The following DMXL1 variants were observed in gnomAD, a reference collection of about 807,000 sequenced individuals.
The protein encoded by DMXL1 is dmX-like protein 1.
DMXL1 carries 99 observed loss-of-function variants against 319.2 expected under a neutral mutation model. The ratio of observed to expected loss-of-function variants is 0.31; its 90% CI spans 0.26 to 0.37. DMXL1 has a LOEUF of 0.37. Ranked by LOEUF, DMXL1 falls within the 10% of genes least tolerant of loss-of-function variation. The pLI is 1.00. For missense variants in DMXL1, 3,745 were observed against 3,595.6 expected (o/e 1.04, Z -1.06); for synonymous variants, 1,385 against 1,235.2 (o/e 1.12, Z -2.54).
In DMXL1 at chr5:119,244,546, T is replaced by C; in HGVS notation, c.8892T>C (p.Phe2964=). The C allele has an allele frequency of 1.2e-6, 2 of 1,614,156 alleles. No homozygotes were observed. Among genetic ancestry groups the C allele is most frequent in the Middle Eastern group, 3.3e-4 (2 of 6,060 alleles). ...CTGTTGATCCAACTGAAGAGTACTT[T>C]GTTACAGGATCTGCCGAAGGCAATA... ...AVAVDPTEEY[F]VTGSAEGNIK... is the part of the protein sequence containing the mutation. Residue 2964 remains phenylalanine (F), a synonymous_variant, in exon 43 of 44, where the codon TTT becomes TTC. Transcript: ENST00000539542.
At chr5:119,169,166 C>G (rs933135274) in intron 23 of DMXL1, among the ~76,000 whole-genome samples, 1 of 152,192 alleles carries the variant, frequency 6.6e-6, no homozygotes. Flanking sequence ...GCATGAGCCA[C>G]CACACCTGGC....
intron 9 of DMXL1, among the ~76,000 whole-genome samples, chr5:119,124,038 G>A (rs967979524): frequency 2.0e-5 from 3 of 151,614 alleles, no homozygotes; most frequent in Admixed American, 2.0e-4. Context: ...GCTGGGCATG[G>A]TCACTCATAC....
intron 1 of DMXL1, 74 bp from the exon 2 acceptor site, chr5:119,097,905 T>C: frequency 8.0e-7 from 1 of 1,244,334 alleles, no homozygotes; most frequent in Non-Finnish European, 1.1e-6. Flanking sequence ...TAAAACATGA[T>C]AGTTAATACT....
intron 9 of DMXL1, among the ~76,000 whole-genome samples, chr5:119,124,800 C>T (rs915954459): frequency 6.6e-6 from 1 of 152,058 alleles, no homozygotes; most frequent in Non-Finnish European, 1.5e-5. Flanking sequence ...TCCTGACCTC[C>T]TCGTGATCTG....
intron 10 of DMXL1, among the ~76,000 whole-genome samples, chr5:119,132,254 A>T (rs1231482457): frequency 6.6e-6 from 1 of 152,238 alleles, no homozygotes; most frequent in East Asian, 1.9e-4. Flanking sequence ...CTTTATTATT[A>T]TAAGGTGGCG....
chr5:119,186,619 A>G (rs910907977), intron 28 of DMXL1, among the ~76,000 whole-genome samples: 28 of 152,236 alleles, frequency 1.8e-4, no homozygotes, highest in African/African-American at 6.8e-4. Flanking sequence ...TTTTAATCAC[A>G]GCAATATATG....
At position 119,129,592 on chromosome 5, in the gene DMXL1, C is replaced by A. The variant is rs143361151; in HGVS notation, c.1315+169C>A. On this transcript the variant is annotated intron_variant, in intron 10 of 43. Transcript: ENST00000539542. ...ATGTAGATATTTCTGTTATAGGTAG[C>A]TTTCTTCCACATGGTTATTTAAGGA... Among the ~76,000 whole-genome samples the A allele has an allele frequency of 5.6e-3, 855 of 152,254 alleles. 9 individuals carry two copies. The highest frequency in any genetic ancestry group is 0.02 in the African/African-American group (822 of 41,548).
chr5:119,233,257 A>C, intron 38 of DMXL1, 83 bp from the exon 39 acceptor site: 2 of 1,406,658 alleles, frequency 1.4e-6, no homozygotes, highest in Non-Finnish European at 9.7e-7. Flanking sequence ...TTCTTTCATA[A>C]AGATTTTCAC....
At chr5:119,182,944 TAAAG>T (rs1243673268) in intron 28 of DMXL1, among the ~76,000 whole-genome samples, 1 of 152,166 alleles carries the variant, frequency 6.6e-6, no homozygotes, top group Non-Finnish European at 1.5e-5. Flanking sequence ...GTATTATAAA[TAAAG>T]CAGTGTTTTT....
chr5:119,199,729 T>C (rs1375071018), intron 32 of DMXL1, among the ~76,000 whole-genome samples: 1 of 152,218 alleles, frequency 6.6e-6, no homozygotes, highest in Non-Finnish European at 1.5e-5. Flanking sequence ...CCAGCATCTG[T>C]TATTTTTTAT....
intron 42 of DMXL1, among the ~76,000 whole-genome samples, chr5:119,241,548 A>C (rs1788810922): frequency 6.6e-6 from 1 of 151,986 alleles, no homozygotes; most frequent in African/African-American, 2.4e-5. Context: ...AAAAAAAAAA[A>C]AAAAAAGATG....
chr5:119,196,358 G>T lies in DMXL1; in HGVS notation c.7458-13G>T, dbSNP rs751770861. 2 of 1,607,982 alleles carry T rather than the reference G, an allele frequency of 1.2e-6. No homozygotes were observed. Among genetic ancestry groups the T allele is most frequent in the Non-Finnish European group, 1.7e-6 (2 of 1,174,486 alleles). ...AGAAATAGTTAACAGATCCATCGTT[G>T]CTTTATTTTTAGTTGGTCCTTGATG... On this transcript the variant is annotated splice_polypyrimidine_tract_variant and intron_variant, in intron 30 of 43. Coordinates refer to ENST00000539542, the MANE Select transcript of DMXL1 (RefSeq NM_001290321.3).
Position 119,208,262 on chromosome 5 carries a change from G to A in DMXL1, c.7926+1366G>A, listed in dbSNP as rs150884162. On this transcript the variant is annotated intron_variant, in intron 34 of 43. Coordinates refer to ENST00000539542, the MANE Select transcript of DMXL1 (RefSeq NM_001290321.3). ...GAGTTTCACTCAGGTTTCCCAGACT[G>A]GAGTGCAGTGGCGCGATCTCAGCTT... Among the ~76,000 whole-genome samples, 75 of 145,872 alleles carry A rather than the reference G, an allele frequency of 5.1e-4. 1 individual carries two copies. In the East Asian group the frequency reaches 0.014, roughly 26 times the overall value.
Position 119,134,349 on chromosome 5 carries a change from C to A in DMXL1, c.2336C>A (p.Ala779Asp). Residue 779 changes from alanine to aspartate, a missense_variant, in exon 13 of 44, where the codon GCT becomes GAT. Coordinates refer to ENST00000539542, the MANE Select transcript of DMXL1 (RefSeq NM_001290321.3). Reference protein sequence around the residue: ...YLRLYEAVIDAKKLLSELSNP... With the variant: ...YLRLYEAVIDDKKLLSELSNP... Reference sequence around the variant, plus strand: ...AGATTATATGAAGCAGTTATTGATGCTAAGAAACTTTTATCTGAGCTTTCT... The same window carrying A: ...AGATTATATGAAGCAGTTATTGATGATAAGAAACTTTTATCTGAGCTTTCT... 6.2e-7 allele frequency: 1 copy of A among 1,613,310 alleles called. No individual in the cohort carries two copies. The highest frequency in any genetic ancestry group is 8.5e-7 in the Non-Finnish European group (1 of 1,179,728).
chr5:119,227,940 G>A (rs1215508538), intron 38 of DMXL1, among the ~76,000 whole-genome samples: 2 of 152,136 alleles, frequency 1.3e-5, no homozygotes, highest in South Asian at 2.1e-4. Context: ...CTTTGTTCAC[G>A]AAGGCATACT....
chr5:119,135,865 A>G (rs1270310909), intron 13 of DMXL1, among the ~76,000 whole-genome samples: 1 of 152,186 alleles, frequency 6.6e-6, no homozygotes, highest in Non-Finnish European at 1.5e-5. Flanking sequence ...ATAGAGTGTA[A>G]AAACAGCCTA....
intron 26 of DMXL1, among the ~76,000 whole-genome samples, chr5:119,176,115 G>A (rs1406616402): frequency 6.6e-6 from 1 of 151,894 alleles, no homozygotes; most frequent in Non-Finnish European, 1.5e-5. Flanking sequence ...GCAATGTCCT[G>A]TCTTATTTAG....
chr5:119,175,966 A>G (rs1029097094), intron 26 of DMXL1, among the ~76,000 whole-genome samples: 2 of 151,934 alleles, frequency 1.3e-5, no homozygotes, highest in Admixed American at 6.6e-5. Flanking sequence ...TATCTTTCCT[A>G]TTAAACAGAT....
chr5:119,147,199 T>C, intron 16 of DMXL1, 50 bp from the exon 17 acceptor site: 1 of 1,492,590 alleles, frequency 6.7e-7, no homozygotes, highest in Non-Finnish European at 9.3e-7. Flanking sequence ...ATCGTAATAT[T>C]TATAGGGTTC....
Sources: gnomAD v4.1 joint callset for allele counts (sites outside exome capture counted in the v4.1 genomes callset) on GRCh38, gnomAD v4.1.1 for gene constraint, MANE v1.5 for transcripts, NCBI Gene and HGNC (gene_info 2026-07-23, HGNC 2026-07-21) for gene names.